The following SPG11 variants were observed in gnomAD, a reference collection of about 807,000 sequenced individuals.
SPG11 encodes the protein spatacsin.
A neutral mutation model predicts 274.0 loss-of-function variants in SPG11; 222 were observed. That is an observed-to-expected ratio of 0.81 (90% CI 0.73 to 0.91). The LOEUF is 0.91. Ranked by LOEUF, SPG11 falls within the 40% of genes least tolerant of loss-of-function variation. SPG11 has a pLI of 0.00. For synonymous variants in SPG11, 1,144 were observed against 1,039.7 expected, an observed-to-expected ratio of 1.10 and a Z score of -1.93; for missense variants, 3,114 against 2,872.7, an observed-to-expected ratio of 1.08 and a Z score of -1.92.
In SPG11 at chr15:44,663,553, G is replaced by A. The variant is rs368405168; in HGVS notation, c.95C>T (p.Pro32Leu). Reference sequence around the variant, plus strand: ...CTGCCCCATCGCCTCGGCGGGGACTGGCACCAACAGCATCGGTAGAACCCG... The same window carrying A: ...CTGCCCCATCGCCTCGGCGGGGACTAGCACCAACAGCATCGGTAGAACCCG... Reference protein sequence around the residue: ...MGRVLPMLLVPVPAEAMGQLG... With the variant: ...MGRVLPMLLVLVPAEAMGQLG... Residue 32 changes from proline (P) to leucine (L), a missense_variant, in exon 1 of 40, where the codon CCA (proline) becomes CTA (leucine). Transcript: ENST00000261866. 23 of 1,597,406 alleles carry A rather than the reference G, an allele frequency of 1.4e-5. No homozygotes were observed. Among genetic ancestry groups the A allele is most frequent in the South Asian group, 9.0e-5 (8 of 89,296 alleles).
intron 21 of SPG11, among the ~76,000 whole-genome samples, chr15:44,599,542 C>T (rs996578193): frequency 2.6e-5 from 4 of 152,154 alleles, no homozygotes; most frequent in African/African-American, 4.8e-5. Context: ...TTGTGATCCG[C>T]CCACCTTGGC....
At chr15:44,614,509 C>A (rs1397031565) in intron 16 of SPG11, among the ~76,000 whole-genome samples, 1 of 152,162 alleles carries the variant, frequency 6.6e-6, no homozygotes, top group South Asian at 2.1e-4. Flanking sequence ...GAGATGTGAG[C>A]CACCGTGCCC....
chr15:44,659,370 G>A (rs757010393), intron 2 of SPG11, 67 bp from the exon 3 acceptor site: 5 of 1,376,222 alleles, frequency 3.6e-6, no homozygotes, highest in Non-Finnish European at 4.1e-6. Context: ...CATTTGATTT[G>A]ATAAACCTAA....
At chr15:44,586,383 C>T (rs545855195) in intron 28 of SPG11, among the ~76,000 whole-genome samples, 28 of 152,152 alleles carry the variant, frequency 1.8e-4, no homozygotes, top group Non-Finnish European at 2.9e-4. Context: ...TAGTGGCTCA[C>T]GCCTGTAATC....
intron 34 of SPG11, among the ~76,000 whole-genome samples, chr15:44,569,718 CTTT>C (rs1047071923): frequency 5.1e-5 from 7 of 138,344 alleles, no homozygotes; most frequent in Non-Finnish European, 3.2e-5. Flanking sequence ...ACTGGCTGTT[CTTT>C]TTTTTTTTTT....
intron 9 of SPG11, 44 bp downstream of exon 9, chr15:44,629,189 C>T (rs769556241): frequency 1.3e-6 from 2 of 1,599,674 alleles, no homozygotes; most frequent in Non-Finnish European, 1.7e-6. Context: ...TCTGTTCTGA[C>T]ACAGGAACAG....
rs1010902432 is a variant in SPG11 at position 44,659,247 on chromosome 15, A to G, written c.499T>C (p.Phe167Leu). The G allele has an allele frequency of 1.2e-6, 2 of 1,614,194 alleles. No homozygotes were observed. The highest frequency in any genetic ancestry group is 1.1e-5 in the South Asian group (1 of 91,090). Residue 167 changes from phenylalanine (F) to leucine (L), a missense_variant, in exon 3 of 40, where the codon TTC becomes CTC. By Grantham distance (22) the Phe-to-Leu change is conservative. Coordinates refer to ENST00000261866, the MANE Select transcript of SPG11 (RefSeq NM_025137.4). ...TGTAGGATGACACATTTGTTGATGAACAGTAATGATGTGTTATTGTGAAAT... is the reference window on the plus strand; with the variant it reads ...TGTAGGATGACACATTTGTTGATGAGCAGTAATGATGTGTTATTGTGAAAT... ...LSFHNNTSLL[F>L]INKCVILHII...
chr15:44,572,627 G>A, intron 33 of SPG11, 56 bp downstream of exon 33: 2 of 1,595,386 alleles, frequency 1.3e-6, no homozygotes, highest in Non-Finnish European at 1.7e-6. Flanking sequence ...GAGACTGGGA[G>A]ACCTTTTGAG....
chr15:44,594,150 G>C (rs1403708982), intron 26 of SPG11, among the ~76,000 whole-genome samples: 2 of 151,726 alleles, frequency 1.3e-5, no homozygotes, highest in East Asian at 3.9e-4. Context: ...CTGAGGCTTG[G>C]AGCGGTGGCT....
At chr15:44,574,129 G>C (rs949992199) in intron 31 of SPG11, among the ~76,000 whole-genome samples, 9 of 152,124 alleles carry the variant, frequency 5.9e-5, no homozygotes, top group Non-Finnish European at 1.2e-4. Context: ...TCAGCCTCTC[G>C]AGCAGCTGGG....
At chr15:44,603,881 C>CT (rs959506665) in intron 20 of SPG11, among the ~76,000 whole-genome samples, 29 of 151,600 alleles carry the variant, frequency 1.9e-4, no homozygotes, top group African/African-American at 7.0e-4. Flanking sequence ...TATTGTTTTT[C>CT]TTTTTTTTAA....
chr15:44,576,438 G>T (rs964362315), intron 30 of SPG11, among the ~76,000 whole-genome samples: 76 of 151,998 alleles, frequency 5.0e-4, no homozygotes, highest in African/African-American at 1.8e-3. Flanking sequence ...CACAAGGTCA[G>T]GAGATCGAGA....
At position 44,622,217 on chromosome 15, in the gene SPG11, T is replaced by A. The variant is rs1287398920; in HGVS notation, c.2444+3A>T. The stretch of plus-strand genomic sequence containing the variant: ...ATTATCAAAAGAGGACTAATGAGAC[T>A]ACCTGGGAAATGACTGGATTTGCAT... On this transcript the variant is annotated splice_donor_region_variant and intron_variant, in intron 13 of 39. Transcript: ENST00000261866. 2 of 1,612,116 alleles carry A rather than the reference T, an allele frequency of 1.2e-6. No individual in the cohort carries two copies. The highest frequency in any genetic ancestry group is 1.7e-6 in the Non-Finnish European group (2 of 1,178,494).
intron 17 of SPG11, among the ~76,000 whole-genome samples, chr15:44,611,972 A>AT (rs554937882): frequency 1.2e-4 from 18 of 149,040 alleles, no homozygotes; most frequent in Admixed American, 2.7e-4. Flanking sequence ...AGCCGGGCTA[A>AT]TTTTTTTTTT....
At chr15:44,565,285 G>A (rs1189933689) in intron 38 of SPG11, among the ~76,000 whole-genome samples, 2 of 152,146 alleles carry the variant, frequency 1.3e-5, no homozygotes, top group Non-Finnish European at 2.9e-5. Flanking sequence ...TTAAGGCAGT[G>A]GTCCCCAACC....
intron 29 of SPG11, 119 bp downstream of exon 29, chr15:44,585,517 G>C: frequency 1.3e-6 from 1 of 759,494 alleles, no homozygotes; most frequent in Non-Finnish European, 2.2e-6. Context: ...CAGGAGAATT[G>C]CATGAACCCG....
chr15:44,637,550 G>A (rs1222850250), intron 7 of SPG11, among the ~76,000 whole-genome samples: 1 of 152,194 alleles, frequency 6.6e-6, no homozygotes, highest in African/African-American at 2.4e-5. Context: ...CTGGCCTCAA[G>A]TGATCTGCGC....
At position 44,610,965 on chromosome 15, in the gene SPG11, C is replaced by T; in HGVS notation, c.3166G>A (p.Ala1056Thr). 1 of 1,613,794 alleles carries T rather than the reference C, an allele frequency of 6.2e-7. No individual in the cohort carries two copies. The highest frequency in any genetic ancestry group is 8.5e-7 in the Non-Finnish European group (1 of 1,179,944). The stretch of plus-strand genomic sequence containing the variant: ...AAAATCTGAGCATTTGCAAGGCTAG[C>T]CTGGAAGATCAGTTTGGGATCTGGA... Reference protein sequence around the residue: ...NLTDPKLIFQASLANAQILIP... With the variant: ...NLTDPKLIFQTSLANAQILIP... The change falls in exon 18 of 40, where the codon GCT becomes ACT. Residue 1056 changes from alanine (A) to threonine (T), a missense_variant. By Grantham distance (58) the Ala-to-Thr change is moderately conservative. Coordinates refer to ENST00000261866, the MANE Select transcript of SPG11 (RefSeq NM_025137.4).
intron 15 of SPG11, among the ~76,000 whole-genome samples, chr15:44,619,720 GA>G (rs989392514): frequency 1.3e-4 from 19 of 147,884 alleles, no homozygotes; most frequent in African/African-American, 2.3e-4. Flanking sequence ...AAATGCATAT[GA>G]TTTTTTTTTT....
Sources: allele counts gnomAD v4.1 joint callset (sites outside exome capture counted in the v4.1 genomes callset), GRCh38; gene constraint gnomAD v4.1.1; transcripts MANE v1.5; gene names NCBI Gene and HGNC (gene_info 2026-07-23, HGNC 2026-07-21).